The following MYO3B variants were observed in gnomAD, a reference collection of about 807,000 sequenced individuals.
The protein encoded by MYO3B is myosin-IIIb.
MYO3B carries 156 observed loss-of-function variants against 174.6 expected under a neutral mutation model. That is an observed-to-expected ratio of 0.89 (90% CI 0.78 to 1.02). MYO3B has a LOEUF of 1.02. Ranked by LOEUF, MYO3B falls within the 50% of genes least tolerant of loss-of-function variation. The pLI is 0.00. For missense variants in MYO3B, 1,632 were observed against 1,639.4 expected, an observed-to-expected ratio of 1.00 and a Z score of 0.08; for synonymous variants, 563 against 569.1, an observed-to-expected ratio of 0.99 and a Z score of 0.15.
intron 1 of MYO3B, among the ~76,000 whole-genome samples, chr2:170,189,204 G>A (rs193176814): frequency 2.0e-5 from 3 of 152,206 alleles, no homozygotes; most frequent in East Asian, 1.9e-4. Context: ...GATGACTGGA[G>A]CTCTTTGTAT....
At chr2:170,590,057 G>T (rs1055693852) in intron 32 of MYO3B, among the ~76,000 whole-genome samples, 10 of 152,186 alleles carry the variant, frequency 6.6e-5, no homozygotes, top group African/African-American at 2.4e-4. Context: ...GTAGTAGGCT[G>T]TACTGTCTAG....
chr2:170,215,397 A>C (rs1212500818), intron 5 of MYO3B, among the ~76,000 whole-genome samples: 1 of 152,192 alleles, frequency 6.6e-6, no homozygotes, highest in African/African-American at 2.4e-5. Context: ...GAACTATTAA[A>C]TATCCCCTTG....
chr2:170,392,881 C>G (rs1965137), intron 16 of MYO3B, among the ~76,000 whole-genome samples: 124,489 of 151,070 alleles, frequency 0.82, 52,055 homozygotes, highest in East Asian at 0.94. Context: ...TCTGATTGAG[C>G]GTTCTTCCAA....
chr2:170,553,878 G>T (rs917690117), intron 32 of MYO3B, among the ~76,000 whole-genome samples: 1 of 152,156 alleles, frequency 6.6e-6, no homozygotes, highest in Non-Finnish European at 1.5e-5. Flanking sequence ...GTTCTCACAA[G>T]ATCTGATTGT....
chr2:170,367,646 G>GT (rs1332414724), intron 8 of MYO3B, among the ~76,000 whole-genome samples: 2 of 152,128 alleles, frequency 1.3e-5, no homozygotes, highest in African/African-American at 2.4e-5. Context: ...AGGAAACATG[G>GT]TTATTAGCAT....
At chr2:170,302,888 G>A (rs186599526) in intron 7 of MYO3B, among the ~76,000 whole-genome samples, 1 of 152,184 alleles carries the variant, frequency 6.6e-6, no homozygotes, top group African/African-American at 2.4e-5. Flanking sequence ...AGAGAAGATG[G>A]TGCTTGATCT....
intron 7 of MYO3B, among the ~76,000 whole-genome samples, chr2:170,256,752 A>G (rs1040864116): frequency 3.3e-5 from 5 of 152,128 alleles, no homozygotes. Context: ...AACCTCACAT[A>G]ACAATATTAA....
intron 7 of MYO3B, among the ~76,000 whole-genome samples, chr2:170,324,107 C>A (rs1352764457): frequency 6.6e-6 from 1 of 152,136 alleles, no homozygotes; most frequent in Non-Finnish European, 1.5e-5. Flanking sequence ...GGCAGAGCGA[C>A]AGGAAAGAGT....
chr2:170,507,072 G>C (rs1470215980), intron 28 of MYO3B, among the ~76,000 whole-genome samples: 3 of 152,230 alleles, frequency 2.0e-5, no homozygotes, highest in Admixed American at 1.3e-4. Context: ...ACAGGTGTGA[G>C]AGAAGACAAG....
At chr2:170,461,503 C>A (rs143538048) in intron 23 of MYO3B, among the ~76,000 whole-genome samples, 3,649 of 136,078 alleles carry the variant, frequency 0.027, 79 homozygotes, top group Middle Eastern at 0.052. Context: ...GGGCCGAGCA[C>A]GGTGGCTCAA....
At chr2:170,215,028 A>G (rs1398208854) in intron 5 of MYO3B, among the ~76,000 whole-genome samples, 200 bp downstream of exon 5, 1 of 152,234 alleles carries the variant, frequency 6.6e-6, no homozygotes, top group Admixed American at 6.5e-5. Context: ...TTTCAGCTTT[A>G]GAAGCAATTT....
intron 9 of MYO3B, among the ~76,000 whole-genome samples, chr2:170,370,120 T>G (rs890029904): frequency 4.6e-5 from 7 of 152,204 alleles, no homozygotes; most frequent in African/African-American, 1.7e-4. Flanking sequence ...TAAAAAAAAT[T>G]AAATGCAAAT....
At chr2:170,599,802 GC>G (rs1219967859) in intron 32 of MYO3B, among the ~76,000 whole-genome samples, 1 of 152,148 alleles carries the variant, frequency 6.6e-6, no homozygotes, top group East Asian at 1.9e-4. Flanking sequence ...ATTTTAGAGT[GC>G]TTGCCCTTAG....
chr2:170,578,562 G>C (rs371312185), intron 32 of MYO3B, among the ~76,000 whole-genome samples: 1 of 152,116 alleles, frequency 6.6e-6, no homozygotes, highest in Non-Finnish European at 1.5e-5. Context: ...TGTTAATTAC[G>C]ACTAATTTTA....
chr2:170,373,831 A>G (rs2094266970), intron 9 of MYO3B, among the ~76,000 whole-genome samples: 1 of 99,162 alleles, frequency 1.0e-5, no homozygotes. Context: ...TGGCCTTTAA[A>G]AAAAAAAAAA....
intron 6 of MYO3B, among the ~76,000 whole-genome samples, chr2:170,229,811 C>A (rs2092994568): frequency 6.6e-6 from 1 of 152,216 alleles, no homozygotes; most frequent in African/African-American, 2.4e-5. Context: ...AGATGAGAAG[C>A]TGTAAGCTCA....
chr2:170,494,393 C>T (rs1311125750), intron 25 of MYO3B, among the ~76,000 whole-genome samples: 4 of 150,362 alleles, frequency 2.7e-5, no homozygotes, highest in Non-Finnish European at 5.9e-5. Context: ...TTTATGTCTT[C>T]ATAAAATTCT....
chr2:170,653,162 TTCATGGTAATCGACTG>T lies in MYO3B; in HGVS notation c.*44_*59del. The T allele has an allele frequency of 6.2e-7, 1 of 1,611,594 alleles. No homozygotes were observed. The highest frequency in any genetic ancestry group is 8.5e-7 in the Non-Finnish European group (1 of 1,178,018). On this transcript the variant is annotated 3_prime_UTR_variant, in exon 35 of 35. Coordinates refer to ENST00000408978, the MANE Select transcript of MYO3B (RefSeq NM_138995.5). ...CCTAAATCTGTCCAGAGTAGGAACA[TTCATGGTAATCGACTG>T]TCTGTCATTGCGTAAGAAAGCACTG...
intron 32 of MYO3B, among the ~76,000 whole-genome samples, chr2:170,614,138 C>A (rs887835601): frequency 2.6e-5 from 4 of 152,136 alleles, no homozygotes; most frequent in African/African-American, 9.7e-5. Context: ...TGGGGCATAA[C>A]AAAGGGGGCA....
Sources: gnomAD v4.1 joint callset for allele counts (sites outside exome capture counted in the v4.1 genomes callset) on GRCh38, gnomAD v4.1.1 for gene constraint, MANE v1.5 for transcripts, NCBI Gene and HGNC (gene_info 2026-07-23, HGNC 2026-07-21) for gene names.